The following CDKL5 variants were observed in gnomAD, a reference collection of about 807,000 sequenced individuals.
The protein encoded by CDKL5 is cyclin-dependent kinase-like 5.
Under a neutral mutation model 61.7 loss-of-function variants are expected in CDKL5, and 8 were observed. That is an observed-to-expected ratio of 0.13 (90% CI 0.08 to 0.23). CDKL5 has a LOEUF of 0.23. Among genes scored for constraint, CDKL5 ranks in the 10% least tolerant of loss-of-function variants. The pLI, the probability that CDKL5 is intolerant of heterozygous loss-of-function variation, is 1.00. For missense variants in CDKL5, 440 were observed against 734.5 expected (o/e 0.60, Z 4.63); for synonymous variants, 275 against 272.3 (o/e 1.01, Z -0.10).
chrX:18,643,043 T>TCAAAA (rs927125343), downstream of CDKL5, among the ~76,000 whole-genome samples: 2 of 111,059 alleles, frequency 1.8e-5, no homozygotes, highest in African/African-American at 6.5e-5. Context: ...AGACTCCATC[T>TCAAAA]CAAAACAAAA....
At position 18,628,551 on chromosome X, in the gene CDKL5, C is replaced by T. The variant is rs750605227; in HGVS notation, c.2677C>T (p.Pro893Ser). 14 of 1,210,304 alleles carry T rather than the reference C, an allele frequency of 1.2e-5. No homozygotes were observed. The East Asian group carries it at 3.9e-4, about 33-fold the overall frequency. The part of the protein sequence containing the change: ...SGGSSNIRQE[P>S]APKGRPALQL... The stretch of plus-strand genomic sequence containing the variant: ...CGGGAGCAGCAACATCCGGCAGGAA[C>T]CCGCACCGAAGGGCAGGCCAGCCCT... The change falls in exon 18 of 18, where the codon CCC (proline) becomes TCC (serine). Residue 893 changes from proline to serine, a missense_variant. Physicochemically the swap from Pro to Ser is moderately conservative, Grantham distance 74. Around this residue, in one of 2 missense-constraint regions of CDKL5, gnomAD observed 363 missense variants for 516.3 expected, o/e 0.70. Transcript: ENST00000623535.
At chrX:18,578,208 A>G (rs1333552840) in intron 5 of CDKL5, among the ~76,000 whole-genome samples, 1 of 112,696 alleles carries the variant, frequency 8.9e-6, no homozygotes, top group African/African-American at 3.2e-5. Flanking sequence ...TTAGATGGCA[A>G]TAAGTTTAGT....
chrX:18,615,995 G>A (rs986427308), intron 15 of CDKL5, among the ~76,000 whole-genome samples: 12 of 111,654 alleles, frequency 1.1e-4, no homozygotes, highest in Non-Finnish European at 2.1e-4. Flanking sequence ...TTAATATGGT[G>A]GGATTAATCA....
chrX:18,474,350 T>A (rs1188927028), intron 1 of CDKL5, among the ~76,000 whole-genome samples: 1 of 111,272 alleles, frequency 9.0e-6, no homozygotes, highest in Non-Finnish European at 1.9e-5. Context: ...CCGAAAACCA[T>A]CCTATTTTCA....
chrX:18,458,707 C>T (rs1046400896), intron 1 of CDKL5, among the ~76,000 whole-genome samples: 5 of 108,804 alleles, frequency 4.6e-5, no homozygotes, highest in Non-Finnish European at 9.6e-5. Flanking sequence ...GGCGACAGAG[C>T]GAGACCCTGT....
At chrX:18,642,754 AC>A, downstream of CDKL5, among the ~76,000 whole-genome samples, 1 of 112,373 alleles carries the variant, frequency 8.9e-6, no homozygotes, top group South Asian at 3.7e-4. Flanking sequence ...AGACATAAAA[AC>A]TTGGCCAGGC....
At chrX:18,463,875 G>A (rs1355371831) in intron 1 of CDKL5, among the ~76,000 whole-genome samples, 1 of 111,786 alleles carries the variant, frequency 8.9e-6, no homozygotes, top group Non-Finnish European at 1.9e-5. Context: ...AAGTTCCAAA[G>A]TTCTCCTTTA....
intron 1 of CDKL5, among the ~76,000 whole-genome samples, chrX:18,428,216 CTA>C (rs1223904757): frequency 8.9e-6 from 1 of 112,131 alleles, no homozygotes; most frequent in Non-Finnish European, 1.9e-5. Context: ...GTCCAGGAAT[CTA>C]TGAGAGACTG....
At chrX:18,624,701 C>T (rs752145801) in intron 16 of CDKL5, among the ~76,000 whole-genome samples, 20 of 112,067 alleles carry the variant, frequency 1.8e-4, no homozygotes, top group African/African-American at 6.2e-4. Flanking sequence ...TTGGCACTAC[C>T]ATATACAGTG....
chrX:18,562,136 C>T (rs908844109), intron 3 of CDKL5, among the ~76,000 whole-genome samples: 3 of 111,522 alleles, frequency 2.7e-5, no homozygotes, highest in African/African-American at 9.8e-5. Flanking sequence ...TCATTGAATG[C>T]CAGAGAGGTT....
intron 3 of CDKL5, among the ~76,000 whole-genome samples, chrX:18,522,021 A>G (rs926758487): frequency 3.6e-5 from 4 of 111,671 alleles, no homozygotes; most frequent in African/African-American, 1.3e-4. Flanking sequence ...TTGTCTATCA[A>G]GGGCTCCTTG....
At chrX:18,501,748 CAT>C (rs1922395647) in intron 1 of CDKL5, among the ~76,000 whole-genome samples, 1 of 109,658 alleles carries the variant, frequency 9.1e-6, no homozygotes, top group African/African-American at 3.3e-5. Flanking sequence ...CGGGTTTCAT[CAT>C]ATTGGTCATG....
chrX:18,426,203 G>T (rs1931363430), intron 1 of CDKL5: 1 of 112,783 alleles, frequency 8.9e-6, no homozygotes, highest in African/African-American at 3.2e-5. Context: ...GACCTTGGCT[G>T]CCCGCGAGGG....
In CDKL5 at chrX:18,636,820, A is replaced by G. The variant is rs900745059; in HGVS notation, c.*8063A>G. 5.3e-5 allele frequency: 6 copies of G among 112,518 alleles called. No homozygotes were observed. Among genetic ancestry groups the G allele is most frequent in the African/African-American group, 1.9e-4 (6 of 30,998 alleles). The allele number at this position is 112,518 out of a possible 1,213,427, so 9.3% of individuals were successfully genotyped here. Reference sequence around the variant, plus strand: ...AGCAGGTAACAAGTCCCCACGATGTATAACATATTCTTCTCTAAAAGCTCA... The same window carrying G: ...AGCAGGTAACAAGTCCCCACGATGTGTAACATATTCTTCTCTAAAAGCTCA... On this transcript the variant is annotated 3_prime_UTR_variant, in exon 18 of 18. Transcript: ENST00000623535.
chrX:18,644,648 C>T, downstream of CDKL5: 1 of 1,198,150 alleles, frequency 8.3e-7, no homozygotes, highest in Non-Finnish European at 1.1e-6. Context: ...TACCGAGTCA[C>T]CGAGAGACTC....
chrX:18,607,894 T>G (rs1285024490), intron 12 of CDKL5, among the ~76,000 whole-genome samples: 2 of 112,054 alleles, frequency 1.8e-5, no homozygotes, highest in African/African-American at 3.2e-5. Flanking sequence ...CCCAGAATCC[T>G]CAGAGTACAT....
chrX:18,540,124 T>G (rs1486900378), intron 3 of CDKL5, among the ~76,000 whole-genome samples: 2 of 111,623 alleles, frequency 1.8e-5, no homozygotes, highest in African/African-American at 3.3e-5. Flanking sequence ...TTTCTTAAAT[T>G]CCAAGCTTCT....
intron 9 of CDKL5, among the ~76,000 whole-genome samples, chrX:18,592,380 A>C (rs1925857862): frequency 8.9e-6 from 1 of 112,559 alleles, no homozygotes; most frequent in Admixed American, 9.4e-5. Context: ...GATTCATTAG[A>C]GAATGCTTTA....
chrX:18,645,887 GC>G, intron 19 of CDKL5: 1 of 1,123,654 alleles, frequency 8.9e-7, no homozygotes, highest in South Asian at 1.9e-5. Flanking sequence ...ACTAGATGGG[GC>G]CCCCTAACCA....
Sources: gnomAD v4.1 joint callset for allele counts (sites outside exome capture counted in the v4.1 genomes callset) on GRCh38, gnomAD v4.1.1 for gene constraint, gnomAD v4.1.1 regional missense constraint, MANE v1.5 for transcripts, NCBI Gene and HGNC (gene_info 2026-07-23, HGNC 2026-07-21) for gene names.